Variants in VPS13C observed in about 807,000 individuals in gnomAD.
VPS13C encodes the protein intermembrane lipid transfer protein VPS13C.
VPS13C carries 358 observed loss-of-function variants against 456.8 expected under a neutral mutation model. That is an observed-to-expected ratio of 0.78 (90% CI 0.72 to 0.86). VPS13C has a LOEUF of 0.86. VPS13C is among the 40% of genes least tolerant of loss of function. The probability of loss-of-function intolerance (pLI) is 0.00; values close to 1 mark genes in which losing one functional copy is unlikely to be tolerated. For synonymous variants in VPS13C, 1,578 were observed against 1,486.7 expected (o/e 1.06, Z -1.41); for missense variants, 4,818 against 4,385.4 (o/e 1.10, Z -2.79).
At position 61,927,081 on chromosome 15, in the gene VPS13C, T is replaced by A; in HGVS notation, c.6516+10A>T. 6.2e-7 allele frequency: 1 copy of A among 1,611,622 alleles called. No individual in the cohort carries two copies. Among genetic ancestry groups the A allele is most frequent in the Non-Finnish European group, 8.5e-7 (1 of 1,178,066 alleles). On this transcript the variant is annotated intron_variant, in intron 52 of 84. Coordinates refer to ENST00000644861, the MANE Select transcript of VPS13C (RefSeq NM_020821.3). ...TTCAACCCAAGATTAGGACACAAGG[T>A]AATTCTTACTGTGGTAATGTTTTTC...
At chr15:62,006,495 A>T (rs138096313) in intron 15 of VPS13C, among the ~76,000 whole-genome samples, 1,675 of 152,230 alleles carry the variant, frequency 0.011, 41 homozygotes, top group African/African-American at 0.039. Flanking sequence ...TTCTTAATCC[A>T]GTCTATCGTT....
intron 23 of VPS13C, 58 bp from the exon 24 acceptor site, chr15:61,977,257 GATAA>G (rs1331879125): frequency 1.8e-5 from 18 of 990,412 alleles, no homozygotes; most frequent in African/African-American, 7.0e-5. Context: ...ATGGAACATG[GATAA>G]ATATTATTTT....
At chr15:61,945,120 ACGTGCCTGCTT>A (rs1271085110) in intron 45 of VPS13C, among the ~76,000 whole-genome samples, 2 of 152,162 alleles carry the variant, frequency 1.3e-5, no homozygotes, top group African/African-American at 4.8e-5. Context: ...GTCATGTAAG[ACGTGCCTGCTT>A]CCCCTTCCAC....
chr15:61,903,479 G>A (rs539150725), intron 66 of VPS13C, among the ~76,000 whole-genome samples: 138 of 152,050 alleles, frequency 9.1e-4, no homozygotes, highest in African/African-American at 3.1e-3. Context: ...ATAAAGCTAT[G>A]AAACACTAAT....
intron 65 of VPS13C, among the ~76,000 whole-genome samples, chr15:61,907,754 A>C (rs1286152518): frequency 6.6e-6 from 1 of 152,156 alleles, no homozygotes; most frequent in Non-Finnish European, 1.5e-5. Context: ...AAATTTAAAC[A>C]TATTTTTTAA....
intron 4 of VPS13C, among the ~76,000 whole-genome samples, chr15:62,034,732 G>A (rs887907788): frequency 5.3e-5 from 8 of 151,686 alleles, no homozygotes; most frequent in Middle Eastern, 6.8e-3. Flanking sequence ...AGAATAAATT[G>A]AAAAAATGAA....
chr15:61,983,982 T>A lies in VPS13C; in HGVS notation c.1752A>T (p.Ile584=). 1 of 1,613,990 alleles carries A rather than the reference T, an allele frequency of 6.2e-7. No individual in the cohort carries two copies. The highest frequency in any genetic ancestry group is 8.5e-7 in the Non-Finnish European group (1 of 1,179,944). Residue 584 remains isoleucine (I), a synonymous_variant, in exon 20 of 85, where the codon ATA becomes ATT. Transcript: ENST00000644861. ...KVEAKLEHWY[I]TGLRQQDIVP... Reference sequence around the variant, plus strand: ...CAATATCCTGCTGTCTCAAACCTGTTATATACCAGTGTTCTAATTTCGCTT... The same window carrying A: ...CAATATCCTGCTGTCTCAAACCTGTAATATACCAGTGTTCTAATTTCGCTT...
chr15:61,936,215 C>T (rs1005513156), intron 48 of VPS13C, among the ~76,000 whole-genome samples: 7 of 152,096 alleles, frequency 4.6e-5, no homozygotes, highest in African/African-American at 1.7e-4. Flanking sequence ...TACAAGAATA[C>T]CTTCCTTTCT....
At chr15:62,024,631 A>T (rs1490198254) in intron 6 of VPS13C, among the ~76,000 whole-genome samples, 1 of 152,026 alleles carries the variant, frequency 6.6e-6, no homozygotes, top group Non-Finnish European at 1.5e-5. Flanking sequence ...TGTCTTTTAA[A>T]ATACTAATCA....
In VPS13C at chr15:61,973,503, ACCACCTGAAATAATAGGAATT is replaced by A; in HGVS notation, c.2547_2567del (p.Ile850_Gly856del). 1 of 1,612,794 alleles carries A rather than the reference ACCACCTGAAATAATAGGAATT, an allele frequency of 6.2e-7. No homozygotes were observed. The highest frequency in any genetic ancestry group is 1.1e-5 in the South Asian group (1 of 91,042). ...GTGAAGTACCAAGTAGACCTTTTGTACCACCTGAAATAATAGGAATTGAGGATACCTAGCAAAGAATACAAA... is the reference window on the plus strand; with the variant it reads ...GTGAAGTACCAAGTAGACCTTTTGTAGAGGATACCTAGCAAAGAATACAAA... On this transcript the variant is annotated inframe_deletion, in exon 26 of 85. Transcript: ENST00000644861.
At chr15:61,866,556 T>C in intron 81 of VPS13C, 1 of 985,150 alleles carries the variant, frequency 1.0e-6, no homozygotes, top group Non-Finnish European at 1.2e-6. Flanking sequence ...GGAGATGATT[T>C]AAGTCAGCAT....
At position 61,916,028 on chromosome 15, in the gene VPS13C, A is replaced by C; in HGVS notation, c.8056-6T>G. On this transcript the variant is annotated splice_polypyrimidine_tract_variant and splice_region_variant and intron_variant, in intron 60 of 84. Transcript: ENST00000644861. ...TCATGAGTTTCTGCTGTTCCCTAAA[A>C]ACAAACAAAAATTCGCTGAGTAACT... 1.3e-6 allele frequency: 2 copies of C among 1,542,390 alleles called. No homozygotes were observed. The highest frequency in any genetic ancestry group is 1.2e-5 in the South Asian group (1 of 82,876).
In VPS13C at chr15:61,964,732, C is replaced by T; in HGVS notation, c.3181G>A (p.Glu1061Lys). Residue 1061 changes from glutamate to lysine, a missense_variant, in exon 31 of 85, where the codon GAA (glutamate) becomes AAA (lysine). By Grantham distance (56) the Glu-to-Lys change is moderately conservative (BLOSUM62 1). Transcript: ENST00000644861. ...AGAGTTGAATTTTTTTGTTGTTTTT[C>T]AGTTGAAATTTGTACCTCCTTAGCA... The part of the protein sequence containing the change: ...SVAKEVQIST[E>K]KQQKNSTLPK... 1 of 1,605,002 alleles carries T rather than the reference C, an allele frequency of 6.2e-7. No individual in the cohort carries two copies.
chr15:62,032,234 A>T (rs1342253010), intron 5 of VPS13C, among the ~76,000 whole-genome samples: 1 of 151,690 alleles, frequency 6.6e-6, no homozygotes, highest in African/African-American at 2.4e-5. Context: ...ACATATATTA[A>T]TTAGCCAAAA....
At chr15:61,914,885 A>T (rs2043416829) in intron 61 of VPS13C, among the ~76,000 whole-genome samples, 1 of 46,380 alleles carries the variant, frequency 2.2e-5, no homozygotes, top group African/African-American at 9.0e-5. Context: ...CCTTAAAAAA[A>T]AAAAAAAAAA....
Position 62,024,549 on chromosome 15 carries a change from G to C in VPS13C, c.449-704C>G, listed in dbSNP as rs566675569. On this transcript the variant is annotated intron_variant, in intron 6 of 84. Transcript: ENST00000644861. Reference sequence around the variant, plus strand: ...ACCCTGAACTCTTGAGGCAGTCTCTGTATTATCTACTGATCTCTAGTCTCC... The same window carrying C: ...ACCCTGAACTCTTGAGGCAGTCTCTCTATTATCTACTGATCTCTAGTCTCC... Among the ~76,000 whole-genome samples the C allele has an allele frequency of 1.4e-4, 22 of 152,128 alleles. No individual in the cohort carries two copies. In the Middle Eastern group the frequency reaches 0.014, roughly 94 times the overall value.
Position 61,988,653 on chromosome 15 carries a change from C to T in VPS13C, c.1578+2347G>A, listed in dbSNP as rs146823319. On this transcript the variant is annotated intron_variant, in intron 18 of 84. Coordinates refer to ENST00000644861, the MANE Select transcript of VPS13C (RefSeq NM_020821.3). ...ATAGAAAAGGTAATCATAAAGAACA[C>T]GAGAGTTTAAAGATTTCTACAACAA... Among the ~76,000 whole-genome samples the T allele has an allele frequency of 4.9e-4, 74 of 152,112 alleles. 1 individual carries two copies. The East Asian group carries it at 6.2e-3, about 13-fold the overall frequency.
chr15:61,890,606 G>A (rs182903366), intron 66 of VPS13C, among the ~76,000 whole-genome samples: 24 of 152,276 alleles, frequency 1.6e-4, no homozygotes, highest in Non-Finnish European at 3.1e-4. Context: ...CTAATAGTAC[G>A]TAGTTTTTTA....
rs1397822280 is a variant in VPS13C at position 61,940,704 on chromosome 15, T to C, written c.5544A>G (p.Ala1848=). ...MLLSIQRNLA[A]AWYVQIPGME... ...TCCCTGGAATTTGCACATACCATGCTGCTGCTAAGTTTCGCTGTATGGACA... is the reference window on the plus strand; with the variant it reads ...TCCCTGGAATTTGCACATACCATGCCGCTGCTAAGTTTCGCTGTATGGACA... Residue 1848 remains alanine (A), a synonymous_variant, in exon 47 of 85, where the codon GCA becomes GCG. Transcript: ENST00000644861. The C allele has an allele frequency of 6.2e-7, 1 of 1,613,796 alleles. No homozygotes were observed. Among genetic ancestry groups the C allele is most frequent in the East Asian group, 2.2e-5 (1 of 44,854 alleles).
Sources: gnomAD v4.1 joint callset for allele counts (sites outside exome capture counted in the v4.1 genomes callset) on GRCh38, gnomAD v4.1.1 for gene constraint, MANE v1.5 for transcripts, NCBI Gene and HGNC (gene_info 2026-07-23, HGNC 2026-07-21) for gene names.